SAMD5: variants seen among roughly 807,000 people sequenced by gnomAD.
SAMD5 encodes sterile alpha motif domain-containing protein 5.
Under a neutral mutation model 11.3 loss-of-function variants are expected in SAMD5, and 13 were observed. The observed-to-expected ratio is 1.15, with a 90% CI of 0.75 to 1.83. The LOEUF (loss-of-function observed/expected upper bound fraction) is 1.83. SAMD5 is among the 40% of genes most tolerant of loss of function. The pLI, the probability that SAMD5 is intolerant of heterozygous loss-of-function variation, is 0.00. For synonymous variants in SAMD5, 129 were observed against 111.3 expected (o/e 1.16, Z -1.00); for missense variants, 255 against 239.1 (o/e 1.07, Z -0.44).
intron 1 of SAMD5, among the ~76,000 whole-genome samples, chr6:147,666,407 A>G (rs1386396094): frequency 6.6e-6 from 1 of 152,170 alleles, no homozygotes; most frequent in Non-Finnish European, 1.5e-5. Context: ...CTTCATTCAC[A>G]TGCTGTGCGT....
the SAMD5 span, among the ~76,000 whole-genome samples, chr6:147,909,614 T>TTCTCTCTCTCTCTCTCTCTCTCTCTCTC: frequency 2.6e-5 from 2 of 77,302 alleles, no homozygotes; most frequent in Admixed American, 1.3e-4. Context: ...CTTTCTTTCT[T>TTCTCTCTCTCTCTCTCTCTCTCTCTCTC]TCTTTCTTTC....
At chr6:147,601,770 TG>T (rs1420539998) in intron 1 of SAMD5, among the ~76,000 whole-genome samples, 4 of 152,230 alleles carry the variant, frequency 2.6e-5, no homozygotes, top group African/African-American at 9.6e-5. Context: ...GGATGAATCA[TG>T]GTATGTTGCC....
At chr6:147,693,429 A>G (rs541611490) in intron 1 of SAMD5, among the ~76,000 whole-genome samples, 4 of 152,362 alleles carry the variant, frequency 2.6e-5, no homozygotes, top group African/African-American at 9.6e-5. Context: ...ATAAGGCCGT[A>G]TGCTGCAGAG....
At chr6:147,907,235 G>A in the SAMD5 span, among the ~76,000 whole-genome samples, 2 of 152,156 alleles carry the variant, frequency 1.3e-5, no homozygotes, top group South Asian at 4.1e-4. Context: ...TGGCTCATGC[G>A]GTGGCTCACG....
At chr6:147,599,270 G>A (rs776705878) in intron 1 of SAMD5, among the ~76,000 whole-genome samples, 28 of 152,158 alleles carry the variant, frequency 1.8e-4, no homozygotes, top group Non-Finnish European at 4.1e-4. Flanking sequence ...AAGGCAAGAA[G>A]GCAGTAAAAG....
the SAMD5 span, among the ~76,000 whole-genome samples, chr6:147,830,265 T>C: frequency 2.8e-5 from 4 of 141,862 alleles, no homozygotes; most frequent in African/African-American, 5.2e-5. Context: ...TTTTTTTTTT[T>C]TTTTTTTTTT....
chr6:147,927,588 A>G, the SAMD5 span, among the ~76,000 whole-genome samples: 1 of 152,172 alleles, frequency 6.6e-6, no homozygotes, highest in Non-Finnish European at 1.5e-5. Context: ...TTTTCTAGAT[A>G]TTGAATCACG....
At chr6:147,533,751 G>C (rs1788466300) in intron 1 of SAMD5, among the ~76,000 whole-genome samples, 1 of 152,078 alleles carries the variant, frequency 6.6e-6, no homozygotes, top group Middle Eastern at 3.2e-3. Context: ...ATCCAAGAAA[G>C]CTGATGTTGC....
chr6:147,789,093 A>T, the SAMD5 span, among the ~76,000 whole-genome samples: 2 of 119,002 alleles, frequency 1.7e-5, no homozygotes, highest in Admixed American at 8.1e-5. Flanking sequence ...AAAAACAAAC[A>T]AACAAACAAA....
chr6:147,895,491 G>A, the SAMD5 span, among the ~76,000 whole-genome samples: 1 of 152,170 alleles, frequency 6.6e-6, no homozygotes, highest in Non-Finnish European at 1.5e-5. Context: ...ATTTGCCAGG[G>A]GAATTCAGAG....
chr6:147,541,021 C>T (rs571229026), intron 1 of SAMD5, among the ~76,000 whole-genome samples: 98 of 147,214 alleles, frequency 6.7e-4, no homozygotes, highest in African/African-American at 2.4e-3. Context: ...ACAATCTCAG[C>T]GCACTGCAAC....
chr6:147,816,906 C>T, the SAMD5 span, among the ~76,000 whole-genome samples: 14 of 151,422 alleles, frequency 9.2e-5, no homozygotes, highest in East Asian at 1.2e-3. Context: ...TCCATGGCCT[C>T]GAAGGTCCTG....
the SAMD5 span, among the ~76,000 whole-genome samples, chr6:147,762,928 T>C: frequency 2.6e-5 from 4 of 152,296 alleles, no homozygotes; most frequent in East Asian, 7.7e-4. Context: ...ATAGTATTCA[T>C]TGGTAGGATT....
chr6:147,527,237 C>T (rs1788356734), intron 1 of SAMD5, among the ~76,000 whole-genome samples: 1 of 152,074 alleles, frequency 6.6e-6, no homozygotes, highest in Non-Finnish European at 1.5e-5. Flanking sequence ...GTTTAACAGG[C>T]TCTTGGTTCT....
downstream of SAMD5, among the ~76,000 whole-genome samples, chr6:147,740,854 A>G (rs1360508623): frequency 6.6e-6 from 1 of 152,232 alleles, no homozygotes; most frequent in African/African-American, 2.4e-5. Context: ...AAACATACAC[A>G]CGAAGCTTCA....
chr6:147,920,321 C>T, the SAMD5 span, among the ~76,000 whole-genome samples: 2 of 152,204 alleles, frequency 1.3e-5, no homozygotes, highest in Non-Finnish European at 2.9e-5. Context: ...TGTTCTCAAA[C>T]ATCAGACTCA....
chr6:147,585,913 G>A (rs1789367029), intron 1 of SAMD5, among the ~76,000 whole-genome samples: 1 of 152,120 alleles, frequency 6.6e-6, no homozygotes, highest in Non-Finnish European at 1.5e-5. Context: ...CCTGTTGAAA[G>A]CATCTCAAAA....
chr6:147,639,788 A>G (rs1790282818), intron 1 of SAMD5, among the ~76,000 whole-genome samples: 1 of 152,200 alleles, frequency 6.6e-6, no homozygotes, highest in Non-Finnish European at 1.5e-5. Context: ...TTGAACATCC[A>G]TTCTGTTTTG....
chr6:147,729,834 C>G, intron 1 of SAMD5: 1 of 456,762 alleles, frequency 2.2e-6, no homozygotes, highest in Non-Finnish European at 4.4e-6. Flanking sequence ...CCTGTAATCC[C>G]AGCACTTTGG....
Sources: allele counts gnomAD v4.1 joint callset (sites outside exome capture counted in the v4.1 genomes callset), GRCh38; gene constraint gnomAD v4.1.1; transcripts MANE v1.5; gene names NCBI Gene and HGNC (gene_info 2026-07-23, HGNC 2026-07-21).